Variants in CHN2 observed in about 807,000 individuals in gnomAD.
The protein encoded by CHN2 is chimerin 2, also known as beta-chimaerin.
CHN2 carries 35 observed loss-of-function variants against 56.3 expected under a neutral mutation model. That is an observed-to-expected ratio of 0.62 (90% CI 0.47 to 0.82). The LOEUF is 0.82. Ranked by LOEUF, CHN2 falls within the 40% of genes least tolerant of loss-of-function variation. The pLI, the probability that CHN2 is intolerant of heterozygous loss-of-function variation, is 0.00. For synonymous variants in CHN2, 210 were observed against 212.8 expected, an observed-to-expected ratio of 0.99 and a Z score of 0.12; for missense variants, 491 against 580.5, an observed-to-expected ratio of 0.85 and a Z score of 1.58.
At chr7:29,391,062 C>A (rs1312945671) in intron 3 of CHN2, among the ~76,000 whole-genome samples, 1 of 151,934 alleles carries the variant, frequency 6.6e-6, no homozygotes, top group Admixed American at 6.6e-5. Context: ...TTTTTGATCC[C>A]AGCCTCTCTC....
At chr7:29,307,874 C>T (rs39116) in intron 1 of CHN2, among the ~76,000 whole-genome samples, 28,283 of 152,004 alleles carry the variant, frequency 0.19, 2,796 homozygotes, top group South Asian at 0.3. Context: ...TTGATTTGAG[C>T]CTAATGAGAC....
chr7:29,262,524 ATAGAT>A (rs1323673383), intron 1 of CHN2, among the ~76,000 whole-genome samples: 4 of 152,244 alleles, frequency 2.6e-5, no homozygotes, highest in Admixed American at 6.5e-5. Context: ...AGTAGAGAGA[ATAGAT>A]TAAATATAAT....
intron 3 of CHN2, among the ~76,000 whole-genome samples, chr7:29,378,481 T>C (rs1409663272): frequency 6.6e-6 from 1 of 152,222 alleles, no homozygotes; most frequent in East Asian, 1.9e-4. Context: ...ACTGTTTTGG[T>C]AAATAAAGTT....
intron 1 of CHN2, among the ~76,000 whole-genome samples, chr7:29,255,094 C>G (rs920728483): frequency 1.3e-5 from 2 of 152,100 alleles, no homozygotes; most frequent in African/African-American, 4.8e-5. Context: ...GACAGGCACC[C>G]AAGAATGGAC....
intron 1 of CHN2, among the ~76,000 whole-genome samples, chr7:29,346,068 G>T (rs1797411025): frequency 6.6e-6 from 1 of 152,146 alleles, no homozygotes; most frequent in African/African-American, 2.4e-5. Flanking sequence ...TTTCTCAGGG[G>T]AGTGCAGGGA....
chr7:29,311,040 C>T (rs756670688), intron 1 of CHN2, among the ~76,000 whole-genome samples: 3 of 152,296 alleles, frequency 2.0e-5, no homozygotes, highest in Middle Eastern at 3.4e-3. Context: ...CCATAACCTG[C>T]TTTTCTGTCT....
chr7:29,351,967 C>T (rs145921255), intron 1 of CHN2, among the ~76,000 whole-genome samples: 3 of 152,236 alleles, frequency 2.0e-5, no homozygotes, highest in African/African-American at 7.2e-5. Flanking sequence ...GGGTTGTTTA[C>T]GTAGCCCACA....
intron 7 of CHN2, among the ~76,000 whole-genome samples, chr7:29,494,432 T>G (rs952027146): frequency 2.6e-4 from 39 of 152,334 alleles, no homozygotes; most frequent in African/African-American, 8.9e-4. Context: ...TGTCCAACTT[T>G]AGATAGGATA....
intron 1 of CHN2, among the ~76,000 whole-genome samples, chr7:29,301,868 G>A (rs558693175): frequency 1.4e-4 from 21 of 152,104 alleles, no homozygotes; most frequent in Admixed American, 7.2e-4. Context: ...CAGAAATCCC[G>A]ACTTAAACAT....
intron 3 of CHN2, among the ~76,000 whole-genome samples, chr7:29,378,998 A>G (rs1468998882): frequency 6.6e-6 from 1 of 152,208 alleles, no homozygotes; most frequent in African/African-American, 2.4e-5. Flanking sequence ...GGGTTAATAT[A>G]CATAAAGCAC....
In CHN2 at chr7:29,512,086, C is replaced by T. The variant is rs138035155; in HGVS notation, c.1236-478C>T. On this transcript the variant is annotated intron_variant, in intron 12 of 12. Coordinates refer to ENST00000222792, the MANE Select transcript of CHN2 (RefSeq NM_004067.4). ...TCATGACAGCCCATTCTACACATAA[C>T]CTTTCTCCTCTGGCACCGGTCCTCC... is the stretch of plus-strand genomic sequence containing the variant. Among the ~76,000 whole-genome samples, 167 of 152,206 alleles carry T rather than the reference C, an allele frequency of 1.1e-3. 1 individual carries two copies. In the East Asian group the frequency reaches 0.029, roughly 26 times the overall value.
At chr7:29,226,122 GA>G (rs1469797040) in intron 1 of CHN2, among the ~76,000 whole-genome samples, 1 of 152,068 alleles carries the variant, frequency 6.6e-6, no homozygotes, top group Admixed American at 6.6e-5. Flanking sequence ...TCTCTGTGGG[GA>G]AAAAACACAG....
intron 1 of CHN2, among the ~76,000 whole-genome samples, chr7:29,353,818 AT>A (rs897699893): frequency 6.6e-6 from 1 of 151,938 alleles, no homozygotes; most frequent in South Asian, 2.1e-4. Context: ...GAAAAAAAGG[AT>A]TTTTTTCTGC....
At chr7:29,172,628 A>G (rs909501964) in intron 2 of CHN2, among the ~76,000 whole-genome samples, 3 of 152,226 alleles carry the variant, frequency 2.0e-5, no homozygotes, top group Admixed American at 6.5e-5. Context: ...AGTAAAGTCC[A>G]TCTTTGACAT....
chr7:29,146,902 C>A (rs1792783050), exon 2 of CHN2: 2 of 1,551,144 alleles, frequency 1.3e-6, no homozygotes. Flanking sequence ...TGTTTGATTC[C>A]CACTGTTTAA....
At chr7:29,292,906 C>G in intron 1 of CHN2, 1 of 456,228 alleles carries the variant, frequency 2.2e-6, no homozygotes, top group Non-Finnish European at 4.4e-6. Flanking sequence ...TGGCTGTTTC[C>G]ACTCTTGCCT....
intron 2 of CHN2, among the ~76,000 whole-genome samples, chr7:29,364,988 G>T (rs1049284192): frequency 5.3e-5 from 8 of 151,922 alleles, no homozygotes; most frequent in African/African-American, 1.9e-4. Context: ...TGTATTTTTG[G>T]TTGTGTGTGT....
intron 6 of CHN2, among the ~76,000 whole-genome samples, chr7:29,417,474 T>C (rs1450647715): frequency 2.6e-5 from 4 of 151,952 alleles, no homozygotes; most frequent in African/African-American, 9.7e-5. Flanking sequence ...TAGCTAGGAC[T>C]ACAGGCGCCC....
intron 1 of CHN2, among the ~76,000 whole-genome samples, chr7:29,221,704 A>G (rs1785808946): frequency 6.6e-6 from 1 of 152,214 alleles, no homozygotes; most frequent in Non-Finnish European, 1.5e-5. Context: ...AAGTGAGAAC[A>G]TGGGATGTTT....
Sources: allele counts gnomAD v4.1 joint callset (sites outside exome capture counted in the v4.1 genomes callset), GRCh38; gene constraint gnomAD v4.1.1; transcripts MANE v1.5; gene names NCBI Gene and HGNC (gene_info 2026-07-23, HGNC 2026-07-21).